The following KCNT2 variants were observed in gnomAD, a reference collection of about 807,000 sequenced individuals.
KCNT2 encodes potassium channel subfamily T member 2.
In KCNT2, 67 loss-of-function variants were observed where a neutral mutation model predicts 153.8. The ratio of observed to expected loss-of-function variants is 0.44; its 90% CI spans 0.36 to 0.53. The LOEUF is 0.53. Ranked by LOEUF, KCNT2 falls within the 20% of genes least tolerant of loss-of-function variation. KCNT2 has a pLI of 0.00. For missense variants in KCNT2, 975 were observed against 1,354.8 expected (o/e 0.72, Z 4.40); for synonymous variants, 500 against 458.8 (o/e 1.09, Z -1.15).
chr1:196,601,682 T>G (rs899456666), intron 1 of KCNT2, among the ~76,000 whole-genome samples: 33 of 152,358 alleles, frequency 2.2e-4, no homozygotes, highest in African/African-American at 7.9e-4. Context: ...TTCACCAATT[T>G]TATAGCCATC....
At chr1:196,580,855 GA>G (rs1325785539) in intron 1 of KCNT2, among the ~76,000 whole-genome samples, 3 of 152,136 alleles carry the variant, frequency 2.0e-5, no homozygotes, top group Non-Finnish European at 4.4e-5. Context: ...GTTTCTTTCT[GA>G]AAAGTACATC....
intron 1 of KCNT2, among the ~76,000 whole-genome samples, chr1:196,528,550 G>A (rs755154093): frequency 6.6e-6 from 1 of 152,100 alleles, no homozygotes; most frequent in South Asian, 2.1e-4. Context: ...ATTAAGAAAT[G>A]AAATAAATCT....
At chr1:196,458,650 T>C (rs1008993026) in intron 8 of KCNT2, among the ~76,000 whole-genome samples, 2 of 151,922 alleles carry the variant, frequency 1.3e-5, no homozygotes, top group Non-Finnish European at 2.9e-5. Flanking sequence ...TAACTATACA[T>C]TTGGCAGTAC....
In KCNT2 at chr1:196,489,841, T is replaced by C; in HGVS notation, c.272A>G (p.Glu91Gly). Residue 91 changes from glutamate to glycine, a missense_variant, in exon 3 of 28, where the codon GAA becomes GGA. By Grantham distance (98) the Glu-to-Gly change is moderately conservative. This residue lies in a region of KCNT2 where 140 missense variants were observed against 216.0 expected (regional missense o/e 0.65). Coordinates refer to ENST00000294725, the MANE Select transcript of KCNT2 (RefSeq NM_198503.5). ...VLLENPSQGNEWSHIFWVNRS... is the reference protein window; with the variant it reads ...VLLENPSQGNGWSHIFWVNRS... ...AGGTCAGAAAAAGGTACCTTACCAT[T>C]CATTTCCTTGTGAAGGGTTTTCTAG... 1 of 1,492,158 alleles carries C rather than the reference T, an allele frequency of 6.7e-7. No homozygotes were observed. The highest frequency in any genetic ancestry group is 9.2e-7 in the Non-Finnish European group (1 of 1,088,000). The allele number at this position is 1,492,158 out of a possible 1,614,324, so 92.4% of individuals were successfully genotyped here. A position where few individuals can be genotyped will look rare whatever the true frequency, so the allele number is the denominator to read the frequency against.
At chr1:196,411,800 G>A (rs1297516906) in intron 12 of KCNT2, among the ~76,000 whole-genome samples, 1 of 151,664 alleles carries the variant, frequency 6.6e-6, no homozygotes, top group Non-Finnish European at 1.5e-5. Flanking sequence ...ACAGGGGTGG[G>A]GGATATATTC....
intron 18 of KCNT2, among the ~76,000 whole-genome samples, chr1:196,329,032 GA>G (rs1441756196): frequency 6.6e-6 from 1 of 152,002 alleles, no homozygotes; most frequent in African/African-American, 2.4e-5. Flanking sequence ...ATAAATAAAG[GA>G]AAAAATAACT....
intron 25 of KCNT2, among the ~76,000 whole-genome samples, chr1:196,267,207 T>C (rs1438359292): frequency 1.3e-5 from 2 of 152,182 alleles, no homozygotes; most frequent in Non-Finnish European, 2.9e-5. Context: ...CCAAGGAGAT[T>C]CCTTTGACAC....
chr1:196,403,387 G>C (rs1237550361), intron 12 of KCNT2, among the ~76,000 whole-genome samples: 1 of 151,696 alleles, frequency 6.6e-6, no homozygotes, highest in East Asian at 2.0e-4. Flanking sequence ...TGGTTGCCAG[G>C]TTGGGGAAAA....
At chr1:196,379,587 CT>C (rs1669297763) in intron 13 of KCNT2, among the ~76,000 whole-genome samples, 1 of 151,626 alleles carries the variant, frequency 6.6e-6, no homozygotes, top group South Asian at 2.1e-4. Flanking sequence ...CTCTCTCTCT[CT>C]CTCTCTCTCT....
intron 8 of KCNT2, among the ~76,000 whole-genome samples, chr1:196,439,693 C>T (rs1429558021): frequency 6.6e-6 from 1 of 151,880 alleles, no homozygotes; most frequent in Non-Finnish European, 1.5e-5. Flanking sequence ...ATCCTCCATC[C>T]ATTTGGATTT....
At chr1:196,247,053 T>C (rs1655518185) in intron 26 of KCNT2, among the ~76,000 whole-genome samples, 1 of 152,056 alleles carries the variant, frequency 6.6e-6, no homozygotes. Context: ...ACACTTCCCT[T>C]GTAAAGACAC....
chr1:196,364,913 G>A (rs114236881), intron 14 of KCNT2, among the ~76,000 whole-genome samples: 7,563 of 152,020 alleles, frequency 0.05, 286 homozygotes, highest in Non-Finnish European at 0.072. Context: ...TATTTACAAT[G>A]TTGCAACTTT....
At chr1:196,298,921 C>T (rs1306226402) in intron 22 of KCNT2, among the ~76,000 whole-genome samples, 1 of 151,248 alleles carries the variant, frequency 6.6e-6, no homozygotes, top group African/African-American at 2.4e-5. Flanking sequence ...TTTTATTATA[C>T]CAGCTAGTTA....
intron 19 of KCNT2, among the ~76,000 whole-genome samples, chr1:196,320,670 C>T (rs1663208843): frequency 6.6e-6 from 1 of 150,502 alleles, no homozygotes; most frequent in Admixed American, 6.6e-5. Context: ...TAGCTCTTTA[C>T]ACTCTGAAGA....
intron 1 of KCNT2, among the ~76,000 whole-genome samples, chr1:196,510,221 G>A (rs1033436797): frequency 6.6e-6 from 1 of 152,096 alleles, no homozygotes; most frequent in African/African-American, 2.4e-5. Flanking sequence ...TTGAATAGAA[G>A]CTAAGAAATA....
chr1:196,408,328 A>G (rs1248815649), intron 12 of KCNT2, among the ~76,000 whole-genome samples: 2 of 151,584 alleles, frequency 1.3e-5, no homozygotes. Flanking sequence ...CATCTTTGGT[A>G]GATATTTATC....
rs574688048 is a variant in KCNT2, at chr1:196,316,380, C to G, written c.2349-354G>C. Among the ~76,000 whole-genome samples, 18 of 151,716 alleles carry G rather than the reference C, an allele frequency of 1.2e-4. No individual in the cohort carries two copies. In the East Asian group the frequency reaches 3.3e-3, roughly 28 times the overall value. The stretch of plus-strand genomic sequence containing the variant: ...ATTTGTTTTTACAGTTAACATACTA[C>G]TTCAAAGACACATTTACTTTTTTTT... On this transcript the variant is annotated intron_variant, in intron 20 of 27. Coordinates refer to ENST00000294725, the MANE Select transcript of KCNT2 (RefSeq NM_198503.5).
chr1:196,509,266 C>A, intron 1 of KCNT2, among the ~76,000 whole-genome samples: 3 of 131,100 alleles, frequency 2.3e-5, no homozygotes, highest in African/African-American at 2.9e-5. Context: ...AGCGAAACTC[C>A]GAAAAAAAAA....
intron 1 of KCNT2, among the ~76,000 whole-genome samples, chr1:196,506,671 T>C (rs908486386): frequency 2.0e-5 from 3 of 152,164 alleles, no homozygotes; most frequent in African/African-American, 7.2e-5. Flanking sequence ...AGAGCCTTGA[T>C]CCTAGAGCCT....
Sources: allele counts gnomAD v4.1 joint callset (sites outside exome capture counted in the v4.1 genomes callset), GRCh38; gene constraint gnomAD v4.1.1; regional missense constraint gnomAD v4.1.1; transcripts MANE v1.5; gene names NCBI Gene and HGNC (gene_info 2026-07-23, HGNC 2026-07-21).